MAN1A1: variants seen among roughly 807,000 people sequenced by gnomAD.
MAN1A1 encodes the protein mannosyl-oligosaccharide 1,2-alpha-mannosidase IA.
MAN1A1 carries 29 observed loss-of-function variants against 70.8 expected under a neutral mutation model. The ratio of observed to expected loss-of-function variants is 0.41; its 90% CI spans 0.31 to 0.56. The LOEUF is 0.56. Among genes scored for constraint, MAN1A1 ranks in the 20% least tolerant of loss-of-function variants. The pLI is 0.29. For missense variants in MAN1A1, 747 were observed against 841.3 expected (o/e 0.89, Z 1.39); for synonymous variants, 349 against 330.1 (o/e 1.06, Z -0.62).
intron 6 of MAN1A1, among the ~76,000 whole-genome samples, chr6:119,242,134 G>GACACACACACAC (rs139698571): frequency 0.029 from 4,312 of 150,526 alleles, 99 homozygotes; most frequent in Non-Finnish European, 0.046. Context: ...CAGACAGACA[G>GACACACACACAC]ACACACACAC....
At chr6:119,337,499 G>A (rs772162251) in intron 2 of MAN1A1, among the ~76,000 whole-genome samples, 77 of 152,200 alleles carry the variant, frequency 5.1e-4, no homozygotes, top group Non-Finnish European at 8.8e-4. Context: ...TGGACACATG[G>A]ATGAATAGGG....
intron 5 of MAN1A1, among the ~76,000 whole-genome samples, chr6:119,278,400 ATATT>A (rs1446923432): frequency 6.6e-6 from 1 of 152,206 alleles, no homozygotes; most frequent in African/African-American, 2.4e-5. Flanking sequence ...CAACAATCAC[ATATT>A]TAAACTTCAT....
In MAN1A1 at chr6:119,320,163, G is replaced by A. The variant is rs545223611; in HGVS notation, c.604-13171C>T. 3.9e-5 allele frequency among the ~76,000 whole-genome samples: 6 copies of A among 152,198 alleles called. No individual in the cohort carries two copies. The South Asian group carries it at 1.2e-3, about 32-fold the overall frequency. On this transcript the variant is annotated intron_variant, in intron 2 of 12. Transcript: ENST00000368468. ...TAATTTTTGTATTTTTAGTACAGAC[G>A]AGGTTTCACTATGTTGGCCAGGCTG...
intron 8 of MAN1A1, among the ~76,000 whole-genome samples, chr6:119,197,718 AGT>A (rs1326703837): frequency 6.6e-6 from 1 of 152,176 alleles, no homozygotes; most frequent in African/African-American, 2.4e-5. Flanking sequence ...TAAAAAAATA[AGT>A]GTGTTTTCCT....
chr6:119,309,790 C>T (rs1305729666), intron 2 of MAN1A1, among the ~76,000 whole-genome samples: 2 of 152,078 alleles, frequency 1.3e-5, no homozygotes, highest in Admixed American at 1.3e-4. Context: ...TTATTTTAAC[C>T]CAGAAAATAT....
In MAN1A1 at chr6:119,348,725, TCCGGGTCC is replaced by T; in HGVS notation, c.333_340del (p.Asp112GlyfsTer50). 1.3e-6 allele frequency: 2 copies of T among 1,584,546 alleles called. No individual in the cohort carries two copies. Among genetic ancestry groups the T allele is most frequent in the Non-Finnish European group, 1.7e-6 (2 of 1,167,436 alleles). On this transcript the variant is annotated frameshift_variant, in exon 2 of 13. Transcript: ENST00000368468. LOFTEE classifies it high-confidence loss of function. Reference sequence around the variant, plus strand: ...GGCCAAGTTGTCCTCCAGGGCGGCCTCCGGGTCCCCGGGTGCCCCCTCCTCGCGGCGCC... The same window carrying T: ...GGCCAAGTTGTCCTCCAGGGCGGCCTCCGGGTGCCCCCTCCTCGCGGCGCC...
intron 4 of MAN1A1, among the ~76,000 whole-genome samples, chr6:119,291,947 T>A (rs1772043701): frequency 6.6e-6 from 1 of 152,060 alleles, no homozygotes; most frequent in African/African-American, 2.4e-5. Context: ...TATTCTTATA[T>A]CCATTTTAAA....
chr6:119,222,311 T>C (rs888125849), intron 6 of MAN1A1, among the ~76,000 whole-genome samples: 1 of 144,344 alleles, frequency 6.9e-6, no homozygotes, highest in Non-Finnish European at 1.5e-5. Context: ...ATCTTTCATC[T>C]TTTTTTTTTT....
intron 2 of MAN1A1, among the ~76,000 whole-genome samples, chr6:119,311,857 A>G (rs895620761): frequency 4.6e-5 from 7 of 152,180 alleles, no homozygotes; most frequent in Non-Finnish European, 8.8e-5. Flanking sequence ...AACAGATGCT[A>G]GGTAAGGTTT....
chr6:119,277,388 C>G (rs1482750848), intron 5 of MAN1A1, among the ~76,000 whole-genome samples: 2 of 152,086 alleles, frequency 1.3e-5, no homozygotes, highest in African/African-American at 4.8e-5. Context: ...AGTGATATCA[C>G]AAGAAAGTCT....
intron 5 of MAN1A1, among the ~76,000 whole-genome samples, chr6:119,250,648 C>CTGTGTGTGTGTG (rs71015031): frequency 1.7e-4 from 25 of 148,524 alleles, no homozygotes; most frequent in Non-Finnish European, 2.7e-4. Flanking sequence ...TGTTCTCTCT[C>CTGTGTGTGTGTG]TGTGTGTGTG....
At chr6:119,312,626 G>C (rs1772741426) in intron 2 of MAN1A1, among the ~76,000 whole-genome samples, 1 of 152,156 alleles carries the variant, frequency 6.6e-6, no homozygotes, top group Admixed American at 6.5e-5. Context: ...GGCAGCAAGA[G>C]ACCTGATACT....
intron 5 of MAN1A1, among the ~76,000 whole-genome samples, chr6:119,273,071 G>C (rs907660634): frequency 2.6e-5 from 4 of 152,124 alleles, no homozygotes; most frequent in Non-Finnish European, 5.9e-5. Flanking sequence ...TTTATAAGCT[G>C]AATTCTAGTA....
In MAN1A1 at chr6:119,178,418, T is replaced by C. The variant is rs1260381812; in HGVS notation, c.*1401A>G. 6.6e-6 allele frequency: 1 copy of C among 152,108 alleles called. No homozygotes were observed. The highest frequency in any genetic ancestry group is 2.4e-5 in the African/African-American group (1 of 41,460). 9.4% of individuals were successfully genotyped at this position (152,108 alleles called of 1,614,324 possible). ...TGAAAATTGACATGGTCAAAGTCCT[T>C]GCCCTTCAGTATATGCATCGTATTA... On this transcript the variant is annotated 3_prime_UTR_variant, in exon 13 of 13. Coordinates refer to ENST00000368468, the MANE Select transcript of MAN1A1 (RefSeq NM_005907.4).
chr6:119,209,188 A>G (rs1773975918), intron 6 of MAN1A1, among the ~76,000 whole-genome samples: 1 of 152,058 alleles, frequency 6.6e-6, no homozygotes, highest in Non-Finnish European at 1.5e-5. Flanking sequence ...CATCAAATGT[A>G]CCAGATAATT....
chr6:119,271,756 G>A (rs542248343), intron 5 of MAN1A1, among the ~76,000 whole-genome samples: 60 of 151,924 alleles, frequency 3.9e-4, no homozygotes, highest in Non-Finnish European at 7.1e-4. Flanking sequence ...TGCCTGCCTC[G>A]GCCTCCCAAA....
At chr6:119,324,631 T>C (rs1773100778) in intron 2 of MAN1A1, among the ~76,000 whole-genome samples, 1 of 152,254 alleles carries the variant, frequency 6.6e-6, no homozygotes. Context: ...ACTCTTTTCC[T>C]GTGATATCTC....
intron 5 of MAN1A1, among the ~76,000 whole-genome samples, chr6:119,258,383 G>C (rs1486863162): frequency 1.3e-5 from 2 of 152,184 alleles, no homozygotes; most frequent in Admixed American, 6.5e-5. Flanking sequence ...GGTTGCATCT[G>C]TACTGAACAC....
At chr6:119,338,323 G>C (rs915419375) in intron 2 of MAN1A1, among the ~76,000 whole-genome samples, 1 of 151,476 alleles carries the variant, frequency 6.6e-6, no homozygotes, top group African/African-American at 2.4e-5. Context: ...ACATTTGAAG[G>C]ATTTAGGGTG....
Sources: gnomAD v4.1 joint callset for allele counts (sites outside exome capture counted in the v4.1 genomes callset) on GRCh38, gnomAD v4.1.1 for gene constraint, MANE v1.5 for transcripts, NCBI Gene and HGNC (gene_info 2026-07-23, HGNC 2026-07-21) for gene names.